The following YAP1 variants were observed in gnomAD, a reference collection of about 807,000 sequenced individuals.
The protein encoded by YAP1 is transcriptional coactivator YAP1.
In YAP1, 5 loss-of-function variants were observed where a neutral mutation model predicts 56.9. The ratio of observed to expected loss-of-function variants is 0.09; its 90% CI spans 0.05 to 0.18. YAP1 has a LOEUF of 0.18. Among genes scored for constraint, YAP1 ranks in the 10% least tolerant of loss-of-function variants. YAP1 has a pLI of 1.00. For missense variants in YAP1, 539 were observed against 651.8 expected (o/e 0.83, Z 1.88); for synonymous variants, 265 against 248.1 (o/e 1.07, Z -0.64).
chr11:102,157,476 C>G (rs1427209325), intron 2 of YAP1, among the ~76,000 whole-genome samples: 1 of 152,156 alleles, frequency 6.6e-6, no homozygotes, highest in African/African-American at 2.4e-5. Context: ...GCTGACTGCC[C>G]ACTCCCAGTA....
At position 102,160,169 on chromosome 11, in the gene YAP1, G is replaced by A. The variant is rs778998584; in HGVS notation, c.573-2287G>A. On this transcript the variant is annotated intron_variant, in intron 2 of 8. Transcript: ENST00000282441. The stretch of plus-strand genomic sequence containing the variant: ...CTCCCGAGTAGCTGGGATTACAGGC[G>A]TGTGCCACCATGCCTGGCTAATTCT... Among the ~76,000 whole-genome samples, 59 of 152,050 alleles carry A rather than the reference G, an allele frequency of 3.9e-4. 1 individual carries two copies. The highest frequency in any genetic ancestry group is 3.4e-3 in the Middle Eastern group (1 of 292).
intron 3 of YAP1, among the ~76,000 whole-genome samples, chr11:102,181,124 G>A (rs1008200790): frequency 6.6e-6 from 1 of 151,816 alleles, no homozygotes; most frequent in Middle Eastern, 3.2e-3. Flanking sequence ...TCCATCCTGG[G>A]TGACAGAATG....
chr11:102,135,998 A>C (rs1565444456), intron 2 of YAP1, among the ~76,000 whole-genome samples: 1 of 152,188 alleles, frequency 6.6e-6, no homozygotes, highest in Non-Finnish European at 1.5e-5. Flanking sequence ...GCTGCAGTGA[A>C]CATTCATGTG....
chr11:102,162,248 G>A (rs1946331783), intron 2 of YAP1, among the ~76,000 whole-genome samples: 1 of 152,110 alleles, frequency 6.6e-6, no homozygotes, highest in South Asian at 2.1e-4. Flanking sequence ...TTCAGATGTT[G>A]CACTTGTAAG....
intron 7 of YAP1, 128 bp downstream of exon 7, chr11:102,223,880 C>T (rs1306047219): frequency 4.0e-6 from 5 of 1,239,284 alleles, no homozygotes; most frequent in Middle Eastern, 2.0e-4. Flanking sequence ...AAATGAATCT[C>T]TCTGTAAATG....
At chr11:102,186,749 C>G (rs1324084385) in intron 4 of YAP1, 1 of 152,152 alleles carries the variant, frequency 6.6e-6, no homozygotes, top group African/African-American at 2.4e-5. Context: ...ACAAAGGAAC[C>G]CCTCCCCTTC....
At chr11:102,155,041 T>C (rs7114012) in intron 2 of YAP1, among the ~76,000 whole-genome samples, 2,314 of 152,296 alleles carry the variant, frequency 0.015, 62 homozygotes, top group African/African-American at 0.053. Flanking sequence ...TGGCCTGTTA[T>C]ATATCACAGC....
At chr11:102,195,473 T>G (rs1213512406) in intron 4 of YAP1, among the ~76,000 whole-genome samples, 2 of 152,050 alleles carry the variant, frequency 1.3e-5, no homozygotes, top group Non-Finnish European at 2.9e-5. Context: ...GGGGAAAAGG[T>G]TTGGCTGTGT....
chr11:102,205,072 T>G (rs941946496), intron 4 of YAP1, among the ~76,000 whole-genome samples: 1 of 152,194 alleles, frequency 6.6e-6, no homozygotes, highest in African/African-American at 2.4e-5. Context: ...TTGATCAGTG[T>G]TGTATCAGTG....
At chr11:102,163,672 C>T (rs1490597944) in intron 3 of YAP1, among the ~76,000 whole-genome samples, 1 of 152,216 alleles carries the variant, frequency 6.6e-6, no homozygotes, top group Non-Finnish European at 1.5e-5. Flanking sequence ...AGTAGCTACA[C>T]AGTAGATTTC....
chr11:102,212,942 T>A (rs1280630165), intron 6 of YAP1, among the ~76,000 whole-genome samples: 1 of 152,220 alleles, frequency 6.6e-6, no homozygotes, highest in Non-Finnish European at 1.5e-5. Context: ...CAAAAGCAAT[T>A]TCCATTCTCA....
chr11:102,143,185 A>G (rs1271899767), intron 2 of YAP1, among the ~76,000 whole-genome samples: 1 of 152,170 alleles, frequency 6.6e-6, no homozygotes, highest in Non-Finnish European at 1.5e-5. Context: ...ATAGGTTAAG[A>G]GAAATATAGA....
Position 102,229,712 on chromosome 11 carries a change from C to G in YAP1, c.1287C>G (p.Ile429Met). The change falls in exon 9 of 9, where the codon ATC becomes ATG. Residue 429 changes from isoleucine to methionine, a missense_variant. Coordinates refer to ENST00000282441, the MANE Select transcript of YAP1 (RefSeq NM_001130145.3). ...GTGTGTTTCCACTAGGTGATACTAT[C>G]AACCAAAGCACCCTGCCCTCACAGC... The part of the protein sequence containing the change: ...SVDEMDTGDT[I>M]NQSTLPSQQN... 1 of 1,613,980 alleles carries G rather than the reference C, an allele frequency of 6.2e-7. No individual in the cohort carries two copies.
chr11:102,123,824 A>G (rs1372951353), intron 2 of YAP1, among the ~76,000 whole-genome samples: 1 of 151,708 alleles, frequency 6.6e-6, no homozygotes, highest in Non-Finnish European at 1.5e-5. Context: ...TATTTTTAGT[A>G]GAGACGGAGT....
At position 102,139,449 on chromosome 11, in the gene YAP1, C is replaced by T. The variant is rs145799330; in HGVS notation, c.573-23007C>T. ...CAGTCTGTGTGGAGTGAGTTCAAAA[C>T]TACTGCTGTGCAAAGTTTTCCCTCT... On this transcript the variant is annotated intron_variant, in intron 2 of 8. Transcript: ENST00000282441. Among the ~76,000 whole-genome samples, 415 of 152,314 alleles carry T rather than the reference C, an allele frequency of 2.7e-3. 2 individuals are homozygous for T. The highest frequency in any genetic ancestry group is 4.0e-3 in the Non-Finnish European group (269 of 68,028).
chr11:102,143,066 A>G (rs997135755), intron 2 of YAP1, among the ~76,000 whole-genome samples: 1 of 152,198 alleles, frequency 6.6e-6, no homozygotes, highest in Non-Finnish European at 1.5e-5. Context: ...CCGTCCAGGT[A>G]TGTGTCACTC....
At chr11:102,198,585 A>C (rs887971320) in intron 4 of YAP1, among the ~76,000 whole-genome samples, 1 of 152,138 alleles carries the variant, frequency 6.6e-6, no homozygotes, top group Non-Finnish European at 1.5e-5. Flanking sequence ...TATAATTCCA[A>C]CACTCCTCAG....
At chr11:102,134,295 A>T (rs1276513498) in intron 2 of YAP1, among the ~76,000 whole-genome samples, 1 of 152,080 alleles carries the variant, frequency 6.6e-6, no homozygotes, top group African/African-American at 2.4e-5. Flanking sequence ...TTATTATCAT[A>T]CTTAATCTGT....
intron 1 of YAP1, among the ~76,000 whole-genome samples, chr11:102,112,213 C>T (rs1376295335): frequency 6.6e-6 from 1 of 152,146 alleles, no homozygotes; most frequent in Non-Finnish European, 1.5e-5. Flanking sequence ...GTTTGGGAAG[C>T]GATGACTAAT....
Sources: gnomAD v4.1 joint callset for allele counts (sites outside exome capture counted in the v4.1 genomes callset) on GRCh38, gnomAD v4.1.1 for gene constraint, MANE v1.5 for transcripts, NCBI Gene and HGNC (gene_info 2026-07-23, HGNC 2026-07-21) for gene names.